Variants in CSMD2 observed in about 807,000 individuals in gnomAD.
The protein encoded by CSMD2 is CUB and sushi domain-containing protein 2.
Under a neutral mutation model 398.5 loss-of-function variants are expected in CSMD2, and 130 were observed. The observed-to-expected ratio is 0.33, with a 90% confidence interval of 0.28 to 0.38. The LOEUF (loss-of-function observed/expected upper bound fraction) is 0.38. CSMD2 is among the 10% of genes least tolerant of loss of function. The probability of loss-of-function intolerance (pLI) is 1.00; values close to 1 mark genes in which losing one functional copy is unlikely to be tolerated. For missense variants in CSMD2, 3,829 were observed against 4,764.9 expected, an observed-to-expected ratio of 0.80 and a Z score of 5.78; for synonymous variants, 1,828 against 1,908.5, an observed-to-expected ratio of 0.96 and a Z score of 1.10.
At chr1:33,560,639 T>C (rs1304301897) in intron 53 of CSMD2, among the ~76,000 whole-genome samples, 2 of 152,258 alleles carry the variant, frequency 1.3e-5, no homozygotes, top group African/African-American at 4.8e-5. Flanking sequence ...CCTTAGTCCC[T>C]AGTTGGCCAG....
intron 12 of CSMD2, among the ~76,000 whole-genome samples, chr1:33,779,178 C>G (rs1193599774): frequency 6.6e-6 from 1 of 152,158 alleles, no homozygotes; most frequent in African/African-American, 2.4e-5. Flanking sequence ...CTCAGCATGG[C>G]AGGACCCTTG....
chr1:34,103,549 C>T lies in CSMD2; in HGVS notation c.188-14356G>A, dbSNP rs191591180. On this transcript the variant is annotated intron_variant, in intron 1 of 70. Transcript: ENST00000373381. ...TGACCTTGCGATTCGCCCACCTCGG[C>T]CTCCCAAAGTGCTGGGATTACAGGT... 3.0e-4 allele frequency among the ~76,000 whole-genome samples: 45 copies of T among 152,184 alleles called. No homozygotes were observed. In the Middle Eastern group the frequency reaches 0.02, roughly 69 times the overall value.
chr1:33,979,987 G>A (rs941815814), intron 3 of CSMD2, among the ~76,000 whole-genome samples: 4 of 152,130 alleles, frequency 2.6e-5, no homozygotes, highest in African/African-American at 7.2e-5. Context: ...TTCTGTGCCC[G>A]CTTTAGAGAT....
At chr1:33,792,379 A>T in intron 11 of CSMD2, 44 bp downstream of exon 11, 1 of 1,435,406 alleles carries the variant, frequency 7.0e-7, no homozygotes, top group African/African-American at 1.4e-5. Context: ...CACCAACCCC[A>T]GCCACCGTCC....
At chr1:33,924,555 C>A (rs369384800) in intron 4 of CSMD2, among the ~76,000 whole-genome samples, 6 of 152,188 alleles carry the variant, frequency 3.9e-5, no homozygotes, top group African/African-American at 1.4e-4. Context: ...GATAAATACT[C>A]AGTAGTGGAA....
In CSMD2 at chr1:33,583,492, C is replaced by T. The variant is rs1290005633; in HGVS notation, c.7240+150G>A. ...CTTGGGCCATGCCACCCCTCAGGTC[C>T]CATGGCCTTGGGGTTGCTGTGGTAG... On this transcript the variant is annotated intron_variant, in intron 47 of 70. Coordinates refer to ENST00000373381, the MANE Select transcript of CSMD2 (RefSeq NM_001281956.2). 4 of 752,682 alleles carry T rather than the reference C, an allele frequency of 5.3e-6. No individual in the cohort carries two copies. The African/African-American group carries it at 7.0e-5, about 13-fold the overall frequency. The allele number at this position is 752,682 out of a possible 1,614,324, so 46.6% of individuals were successfully genotyped here. A position where few individuals can be genotyped will look rare whatever the true frequency, so the allele number is the denominator to read the frequency against.
intron 10 of CSMD2, among the ~76,000 whole-genome samples, chr1:33,797,250 G>A (rs1391101693): frequency 1.3e-5 from 2 of 152,182 alleles, no homozygotes; most frequent in Admixed American, 1.3e-4. Flanking sequence ...CTGGCTTTAA[G>A]GTTCAGGTGG....
At chr1:33,601,429 A>G (rs1314448573) in intron 43 of CSMD2, among the ~76,000 whole-genome samples, 5 of 152,134 alleles carry the variant, frequency 3.3e-5, no homozygotes, top group Non-Finnish European at 7.3e-5. Flanking sequence ...GTATACCCAC[A>G]ATGCCTTTTG....
At chr1:33,736,977 G>A (rs961297721) in intron 15 of CSMD2, among the ~76,000 whole-genome samples, 1 of 152,174 alleles carries the variant, frequency 6.6e-6, no homozygotes. Flanking sequence ...GGAAAATGAG[G>A]GGGCTGGTCT....
intron 3 of CSMD2, among the ~76,000 whole-genome samples, chr1:33,936,360 C>A (rs1644480123): frequency 1.3e-5 from 2 of 152,240 alleles, no homozygotes. Flanking sequence ...GGACATAAGG[C>A]ATGGCATAAG....
At chr1:33,698,398 C>T (rs772265788) in intron 24 of CSMD2, among the ~76,000 whole-genome samples, 1 of 152,152 alleles carries the variant, frequency 6.6e-6, no homozygotes, top group Non-Finnish European at 1.5e-5. Context: ...TTACGATAAG[C>T]CCTGGAACTC....
chr1:33,580,932 T>C, intron 47 of CSMD2, 33 bp from the exon 48 acceptor site: 2 of 1,609,856 alleles, frequency 1.2e-6, no homozygotes, highest in Non-Finnish European at 1.7e-6. Context: ...TTACAGACCA[T>C]GGGAGCCATC....
chr1:33,944,470 G>A (rs1293045338), intron 3 of CSMD2, among the ~76,000 whole-genome samples: 1 of 152,134 alleles, frequency 6.6e-6, no homozygotes, highest in Non-Finnish European at 1.5e-5. Flanking sequence ...CTGCAGGGAA[G>A]GGCTTGTGTA....
At chr1:33,959,123 A>C (rs937185833) in intron 3 of CSMD2, among the ~76,000 whole-genome samples, 1 of 152,118 alleles carries the variant, frequency 6.6e-6, no homozygotes, top group African/African-American at 2.4e-5. Context: ...GGAAATAGCA[A>C]CCTGCTGATC....
chr1:34,111,861 A>T (rs572659885), intron 1 of CSMD2, among the ~76,000 whole-genome samples: 131 of 152,258 alleles, frequency 8.6e-4, no homozygotes, highest in Non-Finnish European at 1.1e-3. Flanking sequence ...CAGAGCTAAG[A>T]AGCTTTTCTC....
chr1:33,858,307 G>A (rs535532784), intron 5 of CSMD2, among the ~76,000 whole-genome samples: 23 of 152,284 alleles, frequency 1.5e-4, no homozygotes, highest in African/African-American at 4.8e-4. Flanking sequence ...TCTTTTAAAC[G>A]TTGAAATTTA....
At chr1:33,963,140 C>CCACTT (rs1645426821) in intron 3 of CSMD2, among the ~76,000 whole-genome samples, 1 of 152,222 alleles carries the variant, frequency 6.6e-6, no homozygotes, top group Admixed American at 6.5e-5. Flanking sequence ...GTCTTAAATG[C>CCACTT]AACCCCAGCC....
At chr1:33,929,426 C>A (rs1644238429) in intron 4 of CSMD2, among the ~76,000 whole-genome samples, 1 of 139,398 alleles carries the variant, frequency 7.2e-6, no homozygotes, top group African/African-American at 2.9e-5. Context: ...CAGAACCAAG[C>A]CTATACTTTT....
At chr1:34,130,872 C>T (rs1229966040) in intron 1 of CSMD2, among the ~76,000 whole-genome samples, 1 of 152,104 alleles carries the variant, frequency 6.6e-6, no homozygotes, top group Non-Finnish European at 1.5e-5. Context: ...GTCCCCATCT[C>T]CGCACATCCA....
Sources: allele counts gnomAD v4.1 joint callset (sites outside exome capture counted in the v4.1 genomes callset), GRCh38; gene constraint gnomAD v4.1.1; transcripts MANE v1.5; gene names NCBI Gene and HGNC (gene_info 2026-07-23, HGNC 2026-07-21).